AHI1: variants seen among roughly 807,000 people sequenced by gnomAD.
The protein encoded by AHI1 is jouberin.
In AHI1, 123 loss-of-function variants were observed where a neutral mutation model predicts 149.3. The ratio of observed to expected loss-of-function variants is 0.82; its 90% confidence interval spans 0.71 to 0.96. The LOEUF is 0.96. Ranked by LOEUF, AHI1 falls within the 40% of genes least tolerant of loss-of-function variation. The pLI is 0.00. For synonymous variants in AHI1, 475 were observed against 459.8 expected, an observed-to-expected ratio of 1.03 and a Z score of -0.42; for missense variants, 1,439 against 1,422.7, an observed-to-expected ratio of 1.01 and a Z score of -0.18.
At chr6:135,300,317 T>A (rs1418086427) in intron 27 of AHI1, among the ~76,000 whole-genome samples, 183 bp downstream of exon 27, 1 of 137,540 alleles carries the variant, frequency 7.3e-6, no homozygotes, top group East Asian at 2.0e-4. Context: ...ACAGCAAGAC[T>A]CTGTCTCCAA....
chr6:135,477,484 T>C (rs1018257315), intron 5 of AHI1, among the ~76,000 whole-genome samples: 11 of 152,222 alleles, frequency 7.2e-5, no homozygotes, highest in Non-Finnish European at 1.2e-4. Flanking sequence ...ATTGTTGATA[T>C]GGTTTGGCTC....
chr6:135,359,222 A>G (rs1793471703), intron 23 of AHI1, among the ~76,000 whole-genome samples: 1 of 152,188 alleles, frequency 6.6e-6, no homozygotes, highest in Admixed American at 6.5e-5. Context: ...AATTTTTTGT[A>G]ACATTTATTG....
chr6:135,376,792 G>C (rs1408390957), intron 23 of AHI1, among the ~76,000 whole-genome samples: 1 of 144,364 alleles, frequency 6.9e-6, no homozygotes, highest in Non-Finnish European at 1.5e-5. Flanking sequence ...TGAGGCAGGA[G>C]AATCACCTGA....
chr6:135,371,439 C>G (rs1229031846), intron 23 of AHI1, among the ~76,000 whole-genome samples: 1 of 152,108 alleles, frequency 6.6e-6, no homozygotes, highest in Non-Finnish European at 1.5e-5. Flanking sequence ...GATATTTTTC[C>G]TTTACCTAGG....
At chr6:135,312,765 C>T (rs551988730) in intron 26 of AHI1, among the ~76,000 whole-genome samples, 5 of 152,126 alleles carry the variant, frequency 3.3e-5, no homozygotes, top group African/African-American at 9.7e-5. Flanking sequence ...TATAGCTTCC[C>T]GGATCTCAAT....
At chr6:135,351,137 AAAAAAAC>A (rs1208623047) in intron 24 of AHI1, among the ~76,000 whole-genome samples, 1 of 147,548 alleles carries the variant, frequency 6.8e-6, no homozygotes, top group African/African-American at 2.7e-5. Flanking sequence ...ACAAAAAACA[AAAAAAAC>A]AAAAAAAAAA....
At chr6:135,432,558 T>A (rs1316588871) in intron 16 of AHI1, among the ~76,000 whole-genome samples, 4 of 152,102 alleles carry the variant, frequency 2.6e-5, no homozygotes, top group Non-Finnish European at 5.9e-5. Flanking sequence ...TTCACCGTGT[T>A]AGCCAGGATG....
intron 24 of AHI1, among the ~76,000 whole-genome samples, chr6:135,331,319 G>C (rs1788557851): frequency 6.6e-6 from 1 of 152,170 alleles, no homozygotes; most frequent in African/African-American, 2.4e-5. Context: ...TCACATATTT[G>C]AAATAGAGTT....
At chr6:135,410,781 A>G (rs914718176) in intron 21 of AHI1, among the ~76,000 whole-genome samples, 3 of 152,094 alleles carry the variant, frequency 2.0e-5, no homozygotes, top group Non-Finnish European at 4.4e-5. Flanking sequence ...CTGAGAACAC[A>G]CTCTAAATAT....
intron 20 of AHI1, among the ~76,000 whole-genome samples, chr6:135,419,119 A>T (rs1248347365): frequency 6.6e-6 from 1 of 152,046 alleles, no homozygotes; most frequent in African/African-American, 2.4e-5. Context: ...TTGTAAGTCA[A>T]TTAGAACTTT....
intron 25 of AHI1, among the ~76,000 whole-genome samples, chr6:135,321,493 A>G (rs1160692238): frequency 6.6e-6 from 1 of 152,080 alleles, no homozygotes; most frequent in African/African-American, 2.4e-5. Flanking sequence ...GAGGGGAGCA[A>G]TGGGAAGGAC....
intron 24 of AHI1, among the ~76,000 whole-genome samples, chr6:135,345,204 C>T (rs1474697545): frequency 8.5e-5 from 13 of 152,168 alleles, no homozygotes; most frequent in Non-Finnish European, 1.6e-4. Context: ...GACACTGCAA[C>T]ACTCATTCAT....
At chr6:135,388,004 T>G in intron 23 of AHI1, 1 of 1,613,762 alleles carries the variant, frequency 6.2e-7, no homozygotes, top group Non-Finnish European at 8.5e-7. Context: ...CACCATAATA[T>G]ACATGTGTTG....
chr6:135,415,582 T>C (rs1487811846), intron 20 of AHI1, among the ~76,000 whole-genome samples: 2 of 152,186 alleles, frequency 1.3e-5, no homozygotes, highest in Non-Finnish European at 2.9e-5. Flanking sequence ...CACAATCACT[T>C]TAAAAAATAG....
intron 22 of AHI1, among the ~76,000 whole-genome samples, chr6:135,404,289 G>A (rs1780439600): frequency 6.6e-6 from 1 of 152,140 alleles, no homozygotes; most frequent in Admixed American, 6.5e-5. Context: ...TTGTAAAAGA[G>A]GAAAGCTGCT....
At chr6:135,317,955 C>T (rs780977382) in intron 26 of AHI1, among the ~76,000 whole-genome samples, 9 of 152,192 alleles carry the variant, frequency 5.9e-5, no homozygotes, top group Admixed American at 1.3e-4. Context: ...AACCTTTCTA[C>T]CAAAGTACTG....
chr6:135,290,923 C>T (rs1270015705), intron 27 of AHI1, among the ~76,000 whole-genome samples: 1 of 151,426 alleles, frequency 6.6e-6, no homozygotes, highest in Non-Finnish European at 1.5e-5. Context: ...AACACACACA[C>T]ACACACACAC....
chr6:135,337,303 A>C (rs1789542859), intron 24 of AHI1, among the ~76,000 whole-genome samples: 1 of 152,238 alleles, frequency 6.6e-6, no homozygotes, highest in Non-Finnish European at 1.5e-5. Flanking sequence ...TGGGAAATTG[A>C]AATTAGACCA....
intron 23 of AHI1, among the ~76,000 whole-genome samples, chr6:135,374,524 G>C (rs1166403082): frequency 1.3e-5 from 2 of 152,018 alleles, no homozygotes; most frequent in Non-Finnish European, 2.9e-5. Flanking sequence ...TTTATATCTA[G>C]TAAGTCCAAA....
Sources: gnomAD v4.1 joint callset for allele counts (sites outside exome capture counted in the v4.1 genomes callset) on GRCh38, gnomAD v4.1.1 for gene constraint, MANE v1.5 for transcripts, NCBI Gene and HGNC (gene_info 2026-07-23, HGNC 2026-07-21) for gene names.